SIL1: variants seen among roughly 807,000 people sequenced by gnomAD.
SIL1 encodes the protein SIL1 nucleotide exchange factor, also known as nucleotide exchange factor SIL1.
SIL1 carries 40 observed loss-of-function variants against 49.1 expected under a neutral mutation model. The ratio of observed to expected loss-of-function variants is 0.81; its 90% CI spans 0.63 to 1.06. The LOEUF (loss-of-function observed/expected upper bound fraction) is 1.06, where lower values mean the gene tolerates loss of function less well. Among genes scored for constraint, SIL1 ranks in the 50% least tolerant of loss-of-function variants. The probability of loss-of-function intolerance (pLI) is 0.00; values close to 1 mark genes in which losing one functional copy is unlikely to be tolerated. For synonymous variants in SIL1, 253 were observed against 250.8 expected (o/e 1.01, Z -0.08); for missense variants, 500 against 572.6 (o/e 0.87, Z 1.29).
At chr5:139,072,607 A>G (rs1296548249) in intron 3 of SIL1, among the ~76,000 whole-genome samples, 1 of 152,224 alleles carries the variant, frequency 6.6e-6, no homozygotes, top group Non-Finnish European at 1.5e-5. Context: ...CCATGAAACT[A>G]CTGGAAGAAA....
rs1767707809 is a variant in SIL1, at chr5:138,989,342, A to G, written c.767+31829T>C. On this transcript the variant is annotated intron_variant, in intron 7 of 9. Coordinates refer to ENST00000394817, the MANE Select transcript of SIL1 (RefSeq NM_022464.5). Reference sequence around the variant, plus strand: ...GGCGGGCAGATCACTTGAGGCCAGGAGTTCTAGACCAGCCTGGCCAACACA... The same window carrying G: ...GGCGGGCAGATCACTTGAGGCCAGGGGTTCTAGACCAGCCTGGCCAACACA... Among the ~76,000 whole-genome samples, 3 of 152,216 alleles carry G rather than the reference A, an allele frequency of 2.0e-5. No individual in the cohort carries two copies. In the South Asian group the frequency reaches 6.2e-4, roughly 31 times the overall value.
rs147775426 is a variant in SIL1, at chr5:138,964,588, C to T, written c.768-12704G>A. Among the ~76,000 whole-genome samples, 4 of 152,326 alleles carry T rather than the reference C, an allele frequency of 2.6e-5. No individual in the cohort carries two copies. The East Asian group carries it at 7.7e-4, about 29-fold the overall frequency. ...CTATTTCTGATAAATCATTAAAAGG[C>T]CTTCTGCTGGAATCACTCAAATACC... On this transcript the variant is annotated intron_variant, in intron 7 of 9. Coordinates refer to ENST00000394817, the MANE Select transcript of SIL1 (RefSeq NM_022464.5).
At chr5:138,979,512 A>T (rs1193870369) in intron 7 of SIL1, among the ~76,000 whole-genome samples, 1 of 150,978 alleles carries the variant, frequency 6.6e-6, no homozygotes, top group Non-Finnish European at 1.5e-5. Flanking sequence ...TTTTTAAATA[A>T]TTTTTTTTCG....
intron 1 of SIL1, among the ~76,000 whole-genome samples, chr5:139,174,670 G>A (rs188579987): frequency 1.3e-3 from 200 of 152,082 alleles, no homozygotes; most frequent in Non-Finnish European, 2.4e-3. Context: ...AGGGTGAAGT[G>A]GCTCAGCCTG....
chr5:139,177,828 T>C (rs1751916296), intron 1 of SIL1, among the ~76,000 whole-genome samples: 1 of 152,240 alleles, frequency 6.6e-6, no homozygotes, highest in Non-Finnish European at 1.5e-5. Flanking sequence ...CCTCCAGACA[T>C]TGGTTGCTGC....
At chr5:139,115,242 A>G (rs1174569903) in intron 3 of SIL1, among the ~76,000 whole-genome samples, 1 of 152,242 alleles carries the variant, frequency 6.6e-6, no homozygotes, top group Admixed American at 6.5e-5. Flanking sequence ...CAACTGTGGT[A>G]TAATAAAAAA....
intron 1 of SIL1, among the ~76,000 whole-genome samples, chr5:139,171,541 G>C (rs1751769829): frequency 6.6e-6 from 1 of 151,972 alleles, no homozygotes; most frequent in South Asian, 2.1e-4. Context: ...CTAATCTCAA[G>C]TACCCAGGGA....
At chr5:139,173,743 G>A (rs865990374) in intron 1 of SIL1, among the ~76,000 whole-genome samples, 19 of 144,138 alleles carry the variant, frequency 1.3e-4, no homozygotes, top group South Asian at 4.4e-4. Flanking sequence ...TCAGGAGATC[G>A]AGACCATCCT....
At chr5:138,980,639 A>G (rs1298429389) in intron 7 of SIL1, among the ~76,000 whole-genome samples, 1 of 152,226 alleles carries the variant, frequency 6.6e-6, no homozygotes, top group Non-Finnish European at 1.5e-5. Flanking sequence ...ACATATATGG[A>G]GTTGCCTCTG....
At chr5:139,040,498 C>CTTTT (rs11312366) in intron 5 of SIL1, among the ~76,000 whole-genome samples, 3 of 105,328 alleles carry the variant, frequency 2.8e-5, no homozygotes, top group African/African-American at 1.1e-4. Context: ...TTTCTTTTTT[C>CTTTT]TTTTTTTTTT....
At chr5:139,014,894 A>G (rs1768365226) in intron 7 of SIL1, among the ~76,000 whole-genome samples, 1 of 152,218 alleles carries the variant, frequency 6.6e-6, no homozygotes, top group Non-Finnish European at 1.5e-5. Flanking sequence ...TTGAACTTTT[A>G]TTCAAACACT....
intron 1 of SIL1, chr5:139,137,515 C>A: frequency 2.0e-6 from 1 of 511,756 alleles, no homozygotes; most frequent in Non-Finnish European, 3.4e-6. Context: ...TGTGTCAGGA[C>A]AGAAATTTTT....
intron 3 of SIL1, among the ~76,000 whole-genome samples, chr5:139,105,817 C>T (rs1770694876): frequency 6.6e-6 from 1 of 152,222 alleles, no homozygotes; most frequent in Admixed American, 6.5e-5. Flanking sequence ...ACATTACCCC[C>T]AAAGAATAGT....
At chr5:138,951,460 G>A in intron 8 of SIL1, 125 bp from the exon 9 acceptor site, 1 of 987,080 alleles carries the variant, frequency 1.0e-6, no homozygotes, top group Admixed American at 2.2e-5. Context: ...CTCAGTTACA[G>A]CTATACCCCA....
chr5:139,026,986 G>C lies in SIL1; in HGVS notation c.460C>G (p.Gln154Glu). 1 of 1,614,106 alleles carries C rather than the reference G, an allele frequency of 6.2e-7. No homozygotes were observed. Among genetic ancestry groups the C allele is most frequent in the Middle Eastern group, 1.7e-4 (1 of 6,060 alleles). Residue 154 changes from glutamine (Q) to glutamate (E), a missense_variant, in exon 6 of 10, where the codon CAG becomes GAG. Coordinates refer to ENST00000394817, the MANE Select transcript of SIL1 (RefSeq NM_022464.5). ...MESSKEDKAR[Q>E]AEVKRLFRPI... is the part of the protein sequence containing the mutation. ...CGGAAGAGCCGCTTTACCTCAGCCT[G>C]CCTTGCCTAAGGAGAGCAGCAAAGA...
In SIL1 at chr5:138,998,620, T is replaced by C. The variant is rs536144951; in HGVS notation, c.767+22551A>G. 4.6e-5 allele frequency among the ~76,000 whole-genome samples: 7 copies of C among 152,264 alleles called. No homozygotes were observed. The East Asian group carries it at 1.2e-3, about 25-fold the overall frequency. On this transcript the variant is annotated intron_variant, in intron 7 of 9. Coordinates refer to ENST00000394817, the MANE Select transcript of SIL1 (RefSeq NM_022464.5). Reference sequence around the variant, plus strand: ...GCAAAGCAGGAACAAGTGTCTCACATGGTGACAGTGGGAGAAGGGAGCAGT... The same window carrying C: ...GCAAAGCAGGAACAAGTGTCTCACACGGTGACAGTGGGAGAAGGGAGCAGT...
intron 3 of SIL1, among the ~76,000 whole-genome samples, chr5:139,051,649 C>T (rs1324835336): frequency 3.3e-5 from 5 of 152,086 alleles, no homozygotes; most frequent in Non-Finnish European, 4.4e-5. Context: ...TGGCACTTAA[C>T]GTTATGAAAA....
intron 3 of SIL1, among the ~76,000 whole-genome samples, chr5:139,076,233 A>G (rs1268941232): frequency 2.0e-5 from 3 of 152,226 alleles, no homozygotes. Flanking sequence ...TTCTGCTGAC[A>G]TTTATAAACT....
chr5:138,960,611 T>G (rs1348445005), intron 7 of SIL1, among the ~76,000 whole-genome samples: 1 of 151,284 alleles, frequency 6.6e-6, no homozygotes, highest in East Asian at 1.9e-4. Flanking sequence ...TTTTGTTTTG[T>G]TTTTGTTTTT....
Sources: gnomAD v4.1 joint callset for allele counts (sites outside exome capture counted in the v4.1 genomes callset) on GRCh38, gnomAD v4.1.1 for gene constraint, MANE v1.5 for transcripts, NCBI Gene and HGNC (gene_info 2026-07-23, HGNC 2026-07-21) for gene names.